ARHGAP10: variants seen among roughly 807,000 people sequenced by gnomAD.
ARHGAP10 encodes Rho GTPase activating protein 10, also known as rho GTPase-activating protein 10.
Under a neutral mutation model 108.6 loss-of-function variants are expected in ARHGAP10, and 87 were observed. That is an observed-to-expected ratio of 0.80 (90% CI 0.67 to 0.96). ARHGAP10 has a LOEUF of 0.96. Among genes scored for constraint, ARHGAP10 ranks in the 40% least tolerant of loss-of-function variants. The probability of loss-of-function intolerance (pLI) is 0.00; values close to 1 mark genes in which losing one functional copy is unlikely to be tolerated. For synonymous variants in ARHGAP10, 347 were observed against 341.1 expected, an observed-to-expected ratio of 1.02 and a Z score of -0.19; for missense variants, 939 against 954.5, an observed-to-expected ratio of 0.98 and a Z score of 0.21.
At chr4:147,844,989 G>A (rs1288087483) in intron 3 of ARHGAP10, among the ~76,000 whole-genome samples, 1 of 152,138 alleles carries the variant, frequency 6.6e-6, no homozygotes, top group Non-Finnish European at 1.5e-5. Context: ...GGCCCGGCAC[G>A]CTCTGATCCC....
intron 18 of ARHGAP10, among the ~76,000 whole-genome samples, chr4:147,988,581 A>G (rs932864811): frequency 4.6e-5 from 7 of 152,208 alleles, no homozygotes; most frequent in African/African-American, 1.7e-4. Flanking sequence ...GAATGTTTAT[A>G]TATACACACA....
intron 4 of ARHGAP10, among the ~76,000 whole-genome samples, chr4:147,857,067 G>C (rs1560793362): frequency 1.3e-5 from 2 of 152,258 alleles, no homozygotes; most frequent in South Asian, 2.1e-4. Flanking sequence ...TAGCTGGCTG[G>C]TCTCGAACTC....
intron 18 of ARHGAP10, among the ~76,000 whole-genome samples, chr4:147,987,108 T>C (rs931867769): frequency 2.6e-5 from 4 of 152,248 alleles, no homozygotes; most frequent in African/African-American, 9.6e-5. Context: ...TTATACCAGA[T>C]AGACTAAGTG....
chr4:147,952,736 AAAGAG>A (rs1738652380), intron 15 of ARHGAP10, among the ~76,000 whole-genome samples: 1 of 152,050 alleles, frequency 6.6e-6, no homozygotes. Context: ...AGTGTCTTTC[AAAGAG>A]AAGTTTTAAT....
chr4:147,994,151 T>A (rs757910340), intron 18 of ARHGAP10, among the ~76,000 whole-genome samples: 12 of 152,246 alleles, frequency 7.9e-5, no homozygotes, highest in Non-Finnish European at 1.5e-4. Context: ...AACAAGGCTG[T>A]ATTTTTTTCC....
intron 1 of ARHGAP10, among the ~76,000 whole-genome samples, chr4:147,798,048 G>T (rs1482694397): frequency 6.6e-6 from 1 of 152,034 alleles, no homozygotes; most frequent in African/African-American, 2.4e-5. Context: ...CCCTGTTCAG[G>T]TGTTTCTTAA....
At chr4:147,759,465 T>G (rs1729507223) in intron 1 of ARHGAP10, among the ~76,000 whole-genome samples, 1 of 152,150 alleles carries the variant, frequency 6.6e-6, no homozygotes, top group African/African-American at 2.4e-5. Context: ...TACCAGTTAC[T>G]TGGGAGGCTG....
In ARHGAP10 at chr4:147,879,516, T is replaced by C. The variant is rs1014835755; in HGVS notation, c.939+178T>C. Among the ~76,000 whole-genome samples the C allele has an allele frequency of 2.6e-5, 4 of 152,230 alleles. No homozygotes were observed. The East Asian group carries it at 5.8e-4, about 22-fold the overall frequency. On this transcript the variant is annotated intron_variant, in intron 9 of 22. Coordinates refer to ENST00000336498, the MANE Select transcript of ARHGAP10 (RefSeq NM_024605.4). ...GGGCCAGAAGACAGAACAATATATA[T>C]GTTTTCTGAATTACATGCATGGGTT...
intron 1 of ARHGAP10, among the ~76,000 whole-genome samples, chr4:147,812,070 C>T (rs1194274048): frequency 2.6e-5 from 4 of 152,070 alleles, no homozygotes; most frequent in African/African-American, 7.2e-5. Context: ...ACTGTTCTCT[C>T]GAGGCAACCT....
intron 18 of ARHGAP10, among the ~76,000 whole-genome samples, chr4:147,993,332 G>C (rs1036499468): frequency 1.3e-5 from 2 of 152,212 alleles, no homozygotes; most frequent in Non-Finnish European, 2.9e-5. Flanking sequence ...TCATGAGTTA[G>C]TAATTGATTC....
chr4:147,885,357 G>A (rs1408282988), intron 10 of ARHGAP10, among the ~76,000 whole-genome samples: 1 of 152,182 alleles, frequency 6.6e-6, no homozygotes, highest in Non-Finnish European at 1.5e-5. Context: ...GCAGGCAAGA[G>A]AACGTGTGCA....
chr4:148,058,360 A>G (rs1729453027), intron 20 of ARHGAP10, among the ~76,000 whole-genome samples: 1 of 152,170 alleles, frequency 6.6e-6, no homozygotes, highest in Non-Finnish European at 1.5e-5. Flanking sequence ...TGGGGGATTT[A>G]GTCACTTCAA....
At chr4:147,867,940 T>A (rs1185726855) in intron 7 of ARHGAP10, among the ~76,000 whole-genome samples, 8 of 130,320 alleles carry the variant, frequency 6.1e-5, no homozygotes, top group Middle Eastern at 3.9e-3. Flanking sequence ...TTTTTTTTTT[T>A]ATGTACAGTT....
chr4:147,939,731 A>C lies in ARHGAP10; in HGVS notation c.1229-94A>C, dbSNP rs1738099052. The C allele has an allele frequency of 2.8e-6, 3 of 1,064,434 alleles. No homozygotes were observed. In the Admixed American group the frequency reaches 5.1e-5, roughly 18 times the overall value. The allele number at this position is 1,064,434 out of a possible 1,614,324, so 65.9% of individuals were successfully genotyped here. On this transcript the variant is annotated intron_variant, in intron 13 of 22. Coordinates refer to ENST00000336498, the MANE Select transcript of ARHGAP10 (RefSeq NM_024605.4). ...TTTTATAGTTAACAGGAATGCTGCTAATGTTAGTTAGCAAAGATTTTGAAT... is the reference window on the plus strand; with the variant it reads ...TTTTATAGTTAACAGGAATGCTGCTCATGTTAGTTAGCAAAGATTTTGAAT...
At position 147,940,888 on chromosome 4, in the gene ARHGAP10, C is replaced by T. The variant is rs1461236841; in HGVS notation, c.1303+989C>T. On this transcript the variant is annotated intron_variant, in intron 14 of 22. Transcript: ENST00000336498. ...AAGCTATTAACCACAGGAGAAATTG[C>T]CCGTCATCAGTTGGAGAGCCTTATT... 2.0e-5 allele frequency among the ~76,000 whole-genome samples: 3 copies of T among 152,150 alleles called. No homozygotes were observed. In the East Asian group the frequency reaches 5.8e-4, roughly 29 times the overall value.
At chr4:147,832,219 T>C (rs1288112447) in intron 3 of ARHGAP10, among the ~76,000 whole-genome samples, 1 of 152,038 alleles carries the variant, frequency 6.6e-6, no homozygotes, top group Admixed American at 6.6e-5. Context: ...ACTAGGGAAA[T>C]ATTTCGGGAT....
intron 18 of ARHGAP10, among the ~76,000 whole-genome samples, chr4:148,002,098 A>C (rs762658647): frequency 2.6e-5 from 4 of 152,138 alleles, no homozygotes; most frequent in Non-Finnish European, 5.9e-5. Context: ...ATGAATACCT[A>C]ATTTATTGAG....
chr4:147,847,036 C>A, intron 3 of ARHGAP10, 115 bp from the exon 4 acceptor site: 1 of 746,698 alleles, frequency 1.3e-6, no homozygotes, highest in South Asian at 1.8e-5. Flanking sequence ...GAGATAAAGC[C>A]GTTAAATACG....
intron 15 of ARHGAP10, among the ~76,000 whole-genome samples, chr4:147,950,935 A>C (rs1738575116): frequency 3.9e-5 from 6 of 152,136 alleles, no homozygotes; most frequent in Admixed American, 3.9e-4. Flanking sequence ...GGGAAATGCC[A>C]GCTTAGATAA....
Sources: gnomAD v4.1 joint callset for allele counts (sites outside exome capture counted in the v4.1 genomes callset) on GRCh38, gnomAD v4.1.1 for gene constraint, MANE v1.5 for transcripts, NCBI Gene and HGNC (gene_info 2026-07-23, HGNC 2026-07-21) for gene names.